The following CCDC85A variants were observed in gnomAD, a reference collection of about 807,000 sequenced individuals.
CCDC85A encodes coiled-coil domain containing 85A.
Under a neutral mutation model 50.2 loss-of-function variants are expected in CCDC85A, and 38 were observed. The ratio of observed to expected loss-of-function variants is 0.76; its 90% CI spans 0.58 to 0.99. The LOEUF (loss-of-function observed/expected upper bound fraction) is 0.99. CCDC85A is among the 50% of genes least tolerant of loss of function. The probability of loss-of-function intolerance (pLI) is 0.00; values close to 1 mark genes in which losing one functional copy is unlikely to be tolerated. For missense variants in CCDC85A, 820 were observed against 742.0 expected (o/e 1.11, Z -1.22); for synonymous variants, 366 against 301.4 (o/e 1.21, Z -2.22).
chr2:56,202,485 C>G (rs1379844929), intron 2 of CCDC85A, among the ~76,000 whole-genome samples: 5 of 152,178 alleles, frequency 3.3e-5, no homozygotes, highest in African/African-American at 1.2e-4. Context: ...CACTTGCATT[C>G]ACAGCCAAAG....
intron 3 of CCDC85A, among the ~76,000 whole-genome samples, chr2:56,344,866 C>G (rs1452391226): frequency 6.6e-6 from 1 of 151,816 alleles, no homozygotes; most frequent in East Asian, 1.9e-4. Flanking sequence ...TTCTTAGTTT[C>G]CTTCTGAGAA....
At chr2:56,273,297 C>A (rs989337408) in intron 2 of CCDC85A, among the ~76,000 whole-genome samples, 2 of 151,976 alleles carry the variant, frequency 1.3e-5, no homozygotes, top group African/African-American at 2.4e-5. Context: ...TTTTAAAATT[C>A]TCAAAACTGA....
At chr2:56,222,389 G>T (rs1460939573) in intron 2 of CCDC85A, among the ~76,000 whole-genome samples, 1 of 151,976 alleles carries the variant, frequency 6.6e-6, no homozygotes, top group Non-Finnish European at 1.5e-5. Flanking sequence ...TAAAATTAAT[G>T]GAGTAACCCA....
intron 1 of CCDC85A, chr2:56,185,845 CT>C (rs1676007452): frequency 6.6e-6 from 1 of 152,396 alleles, no homozygotes; most frequent in Non-Finnish European, 1.5e-5. Flanking sequence ...CTGGTGCCTC[CT>C]GGTATTCCTT....
At chr2:56,221,126 G>T (rs958149485) in intron 2 of CCDC85A, among the ~76,000 whole-genome samples, 4 of 152,058 alleles carry the variant, frequency 2.6e-5, no homozygotes, top group African/African-American at 9.7e-5. Context: ...ACTAGCTTAT[G>T]AATAAGAGAT....
chr2:56,302,234 T>C (rs1288395384), intron 2 of CCDC85A, among the ~76,000 whole-genome samples: 1 of 152,102 alleles, frequency 6.6e-6, no homozygotes, highest in African/African-American at 2.4e-5. Context: ...GCAGCCTAGA[T>C]GACAGAGTGA....
intron 3 of CCDC85A, among the ~76,000 whole-genome samples, chr2:56,362,400 G>A (rs904995386): frequency 1.3e-5 from 2 of 151,852 alleles, no homozygotes; most frequent in Admixed American, 6.6e-5. Flanking sequence ...CAGAGCTGGA[G>A]ACAAAAAATT....
chr2:56,351,009 C>A lies in CCDC85A; in HGVS notation c.1317+8054C>A, dbSNP rs1403085076. 3.0e-3 allele frequency among the ~76,000 whole-genome samples: 280 copies of A among 94,380 alleles called. 1 individual carries two copies. Among genetic ancestry groups the A allele is most frequent in the African/African-American group, 0.011 (263 of 24,046 alleles). 61.9% of individuals were successfully genotyped at this position (94,380 alleles called of 152,430 possible). A position where few individuals can be genotyped will look rare whatever the true frequency, so the allele number is the denominator to read the frequency against. The stretch of plus-strand genomic sequence containing the variant: ...TAAAGCTATCCCTCCCCCCTCCCCC[C>A]ACCCCACAACAGTCCCCAGAGTGTG... On this transcript the variant is annotated intron_variant, in intron 3 of 5. Transcript: ENST00000407595.
chr2:56,296,496 A>G (rs1671955538), intron 2 of CCDC85A, among the ~76,000 whole-genome samples: 1 of 151,978 alleles, frequency 6.6e-6, no homozygotes, highest in African/African-American at 2.4e-5. Flanking sequence ...GCGCCCTATT[A>G]TTTTTTACTT....
At chr2:56,248,582 A>G (rs1179701747) in intron 2 of CCDC85A, among the ~76,000 whole-genome samples, 1 of 152,200 alleles carries the variant, frequency 6.6e-6, no homozygotes, top group Non-Finnish European at 1.5e-5. Context: ...TTCTGTTTTA[A>G]CAAGTGGCTT....
chr2:56,310,634 A>G (rs539088960), intron 2 of CCDC85A, among the ~76,000 whole-genome samples: 1 of 152,286 alleles, frequency 6.6e-6, no homozygotes, highest in African/African-American at 2.4e-5. Flanking sequence ...CCATTTAAAG[A>G]TGTGCCCCAC....
chr2:56,320,891 A>T (rs868374767), intron 2 of CCDC85A, among the ~76,000 whole-genome samples: 1 of 152,192 alleles, frequency 6.6e-6, no homozygotes, highest in Non-Finnish European at 1.5e-5. Context: ...AAAATCCTCA[A>T]TAAAATACTG....
chr2:56,280,251 C>A (rs1187688389), intron 2 of CCDC85A, among the ~76,000 whole-genome samples: 1 of 152,164 alleles, frequency 6.6e-6, no homozygotes, highest in Non-Finnish European at 1.5e-5. Context: ...GCCCTTCCTT[C>A]TTTACTTCAA....
chr2:56,319,847 A>T (rs1673087126), intron 2 of CCDC85A, among the ~76,000 whole-genome samples: 1 of 152,126 alleles, frequency 6.6e-6, no homozygotes, highest in Non-Finnish European at 1.5e-5. Flanking sequence ...AAGTGCAGAG[A>T]CCACATCACA....
chr2:56,244,903 G>C (rs2193473), intron 2 of CCDC85A, among the ~76,000 whole-genome samples: 126,824 of 151,904 alleles, frequency 0.83, 52,978 homozygotes, highest in Admixed American at 0.85. Context: ...CAACTCTGCC[G>C]GATTCCCTGT....
chr2:56,357,935 T>G (rs1327871447), intron 3 of CCDC85A, among the ~76,000 whole-genome samples: 2 of 152,188 alleles, frequency 1.3e-5, no homozygotes, highest in Non-Finnish European at 2.9e-5. Flanking sequence ...GGCCCAGCAT[T>G]GAATCCATCT....
intron 2 of CCDC85A, among the ~76,000 whole-genome samples, chr2:56,248,906 A>G (rs1021641484): frequency 6.6e-6 from 1 of 152,210 alleles, no homozygotes; most frequent in East Asian, 1.9e-4. Context: ...GCCAAAATCC[A>G]TACCCTTAGC....
At chr2:56,258,002 G>A (rs1487477469) in intron 2 of CCDC85A, among the ~76,000 whole-genome samples, 2 of 152,208 alleles carry the variant, frequency 1.3e-5, no homozygotes, top group Non-Finnish European at 1.5e-5. Flanking sequence ...AATGGGTTTG[G>A]ATTTATACTT....
At chr2:56,209,933 C>T (rs1215845463) in intron 2 of CCDC85A, among the ~76,000 whole-genome samples, 1 of 151,982 alleles carries the variant, frequency 6.6e-6, no homozygotes, top group Non-Finnish European at 1.5e-5. Flanking sequence ...CTGTTGCCAT[C>T]GTCATGACTT....
Sources: gnomAD v4.1 joint callset for allele counts (sites outside exome capture counted in the v4.1 genomes callset) on GRCh38, gnomAD v4.1.1 for gene constraint, MANE v1.5 for transcripts, NCBI Gene and HGNC (gene_info 2026-07-23, HGNC 2026-07-21) for gene names.